LDLRAD3: variants seen among roughly 807,000 people sequenced by gnomAD.
LDLRAD3 encodes low-density lipoprotein receptor class A domain-containing protein 3.
LDLRAD3 carries 20 observed loss-of-function variants against 29.4 expected under a neutral mutation model. The observed-to-expected ratio is 0.68, with a 90% confidence interval of 0.48 to 0.99. The LOEUF is 0.99. Among genes scored for constraint, LDLRAD3 ranks in the 50% least tolerant of loss-of-function variants. The pLI is 0.00. For synonymous variants in LDLRAD3, 157 were observed against 192.7 expected (o/e 0.81, Z 1.53); for missense variants, 420 against 454.3 (o/e 0.92, Z 0.69).
At chr11:36,096,406 T>C (rs868460854) in intron 3 of LDLRAD3, among the ~76,000 whole-genome samples, 8 of 152,286 alleles carry the variant, frequency 5.3e-5, no homozygotes, top group Non-Finnish European at 7.4e-5. Context: ...TCTTCTGTGC[T>C]GGGCCTGGCG....
At chr11:36,003,715 G>A (rs1183007040) in intron 1 of LDLRAD3, among the ~76,000 whole-genome samples, 2 of 152,134 alleles carry the variant, frequency 1.3e-5, no homozygotes, top group African/African-American at 4.8e-5. Flanking sequence ...GTATTAGTCC[G>A]TTTTCACATT....
chr11:36,207,969 T>G (rs1855232868), intron 4 of LDLRAD3, among the ~76,000 whole-genome samples: 1 of 150,542 alleles, frequency 6.6e-6, no homozygotes, highest in African/African-American at 2.4e-5. Flanking sequence ...TAGAAAAGTT[T>G]GGAAATAGAT....
At chr11:36,216,182 A>G (rs1198070705) in intron 4 of LDLRAD3, among the ~76,000 whole-genome samples, 1 of 152,206 alleles carries the variant, frequency 6.6e-6, no homozygotes, top group Non-Finnish European at 1.5e-5. Flanking sequence ...GTTGTCTCTC[A>G]GCTTCATCTT....
intron 4 of LDLRAD3, among the ~76,000 whole-genome samples, chr11:36,214,170 A>G (rs1855321635): frequency 6.6e-6 from 1 of 152,180 alleles, no homozygotes; most frequent in South Asian, 2.1e-4. Context: ...TGGCTAGAGA[A>G]GGAGGCAGTG....
chr11:36,148,972 C>T (rs1590310297), intron 4 of LDLRAD3, among the ~76,000 whole-genome samples: 1 of 152,216 alleles, frequency 6.6e-6, no homozygotes, highest in South Asian at 2.1e-4. Context: ...CTACCTTGTG[C>T]ATCCATCCAT....
At chr11:36,172,608 G>A (rs1392125415) in intron 4 of LDLRAD3, among the ~76,000 whole-genome samples, 1 of 151,948 alleles carries the variant, frequency 6.6e-6, no homozygotes, top group Non-Finnish European at 1.5e-5. Flanking sequence ...TTTTGATTTT[G>A]TTTATGTGAT....
At position 35,972,007 on chromosome 11, in the gene LDLRAD3, C is replaced by T. The variant is rs565345078; in HGVS notation, c.46+27863C>T. Among the ~76,000 whole-genome samples, 37 of 152,186 alleles carry T rather than the reference C, an allele frequency of 2.4e-4. No individual in the cohort carries two copies. In the East Asian group the frequency reaches 5.8e-3, roughly 24 times the overall value. The stretch of plus-strand genomic sequence containing the variant: ...AGCTGCCGGTGTGGGGGAGGAGTCC[C>T]AGTTGTCAGTAAGATGTTCTCTGGC... On this transcript the variant is annotated intron_variant, in intron 1 of 5. Coordinates refer to ENST00000315571, the MANE Select transcript of LDLRAD3 (RefSeq NM_174902.4).
chr11:36,165,218 A>G (rs115362622), intron 4 of LDLRAD3, among the ~76,000 whole-genome samples: 152 of 152,284 alleles, frequency 1.0e-3, no homozygotes, highest in African/African-American at 3.5e-3. Flanking sequence ...CTTAGTAAGC[A>G]TTCTTAATGG....
chr11:35,986,545 A>G (rs887334520), intron 1 of LDLRAD3, among the ~76,000 whole-genome samples: 4 of 152,180 alleles, frequency 2.6e-5, no homozygotes, highest in African/African-American at 9.7e-5. Context: ...ATAGAAGCCT[A>G]TTTTTCACAC....
At chr11:36,216,879 T>G (rs1004282611) in intron 4 of LDLRAD3, among the ~76,000 whole-genome samples, 1 of 152,080 alleles carries the variant, frequency 6.6e-6, no homozygotes, top group Admixed American at 6.5e-5. Flanking sequence ...AACAGTACAG[T>G]GAGGTGACAG....
intron 1 of LDLRAD3, among the ~76,000 whole-genome samples, chr11:36,015,058 T>A (rs548180458): frequency 9.2e-4 from 140 of 152,196 alleles, no homozygotes; most frequent in Non-Finnish European, 5.7e-4. Flanking sequence ...CCTGTTCAGA[T>A]TCATTTTGGA....
intron 1 of LDLRAD3, among the ~76,000 whole-genome samples, chr11:36,032,237 C>T (rs1460197018): frequency 6.6e-6 from 1 of 152,188 alleles, no homozygotes; most frequent in Non-Finnish European, 1.5e-5. Context: ...GAGCCTGTTA[C>T]ACAGATGAAA....
chr11:36,228,301 G>A (rs1469261066), intron 5 of LDLRAD3, among the ~76,000 whole-genome samples: 1 of 152,186 alleles, frequency 6.6e-6, no homozygotes, highest in East Asian at 1.9e-4. Flanking sequence ...GGCGCTTAAG[G>A]ATCTCTTTGC....
At chr11:35,986,067 T>C (rs1327970922) in intron 1 of LDLRAD3, among the ~76,000 whole-genome samples, 1 of 148,326 alleles carries the variant, frequency 6.7e-6, no homozygotes, top group Non-Finnish European at 1.5e-5. Context: ...AATGCTGCCG[T>C]TGTTCATGAG....
intron 2 of LDLRAD3, among the ~76,000 whole-genome samples, chr11:36,078,968 C>T (rs1222838124): frequency 6.6e-6 from 1 of 152,124 alleles, no homozygotes; most frequent in Admixed American, 6.5e-5. Context: ...TGGGATACAG[C>T]GGAGAGCGAG....
chr11:36,163,932 C>T (rs986508803), intron 4 of LDLRAD3, among the ~76,000 whole-genome samples: 21 of 152,148 alleles, frequency 1.4e-4, no homozygotes, highest in African/African-American at 5.1e-4. Flanking sequence ...CATCTTTGTC[C>T]CTAGTGCTGA....
intron 4 of LDLRAD3, among the ~76,000 whole-genome samples, chr11:36,176,710 G>A (rs1009100143): frequency 3.3e-5 from 5 of 152,116 alleles, no homozygotes; most frequent in Non-Finnish European, 5.9e-5. Context: ...TTCCTTTATA[G>A]GTTACCTGAT....
intron 4 of LDLRAD3, among the ~76,000 whole-genome samples, chr11:36,127,118 T>C (rs1046981754): frequency 1.3e-5 from 2 of 151,838 alleles, no homozygotes; most frequent in Non-Finnish European, 2.9e-5. Flanking sequence ...ACCTGTATTC[T>C]TGTCAACACT....
intron 4 of LDLRAD3, among the ~76,000 whole-genome samples, chr11:36,179,211 T>G (rs951209742): frequency 2.0e-5 from 3 of 152,194 alleles, no homozygotes; most frequent in African/African-American, 7.2e-5. Flanking sequence ...TGGTGGCTCA[T>G]GCCTGTAATC....
Sources: gnomAD v4.1 joint callset for allele counts (sites outside exome capture counted in the v4.1 genomes callset) on GRCh38, gnomAD v4.1.1 for gene constraint, MANE v1.5 for transcripts, NCBI Gene and HGNC (gene_info 2026-07-23, HGNC 2026-07-21) for gene names.